Variants in DHRSX observed in about 807,000 individuals in gnomAD.
DHRSX encodes dehydrogenase/reductase X-linked, also known as polyprenol dehydrogenase.
DHRSX carries 31 observed loss-of-function variants against 34.0 expected under a neutral mutation model. The ratio of observed to expected loss-of-function variants is 0.91; its 90% CI spans 0.69 to 1.23. DHRSX has a LOEUF of 1.23. Ranked by LOEUF, DHRSX falls within the 50% of genes most tolerant of loss-of-function variation. The pLI is 0.00. For synonymous variants in DHRSX, 201 were observed against 183.8 expected (o/e 1.09, Z -0.76); for missense variants, 414 against 428.1 (o/e 0.97, Z 0.29).
intron 1 of DHRSX, among the ~76,000 whole-genome samples, chrX:2,470,748 TAAAA>T (rs1396533103): frequency 6.6e-6 from 1 of 152,100 alleles, no homozygotes; most frequent in Non-Finnish European, 1.5e-5. Flanking sequence ...TTCAGTTAGA[TAAAA>T]CAAATGAATT....
intron 3 of DHRSX, among the ~76,000 whole-genome samples, chrX:2,343,873 G>A (rs1046080250): frequency 2.0e-5 from 3 of 152,168 alleles, no homozygotes; most frequent in African/African-American, 7.2e-5. Flanking sequence ...TTGCAATACT[G>A]ACTGACTTGG....
chrX:2,290,031 A>G (rs2041847674), intron 4 of DHRSX, among the ~76,000 whole-genome samples: 1 of 152,256 alleles, frequency 6.6e-6, no homozygotes, highest in African/African-American at 2.4e-5. Flanking sequence ...ATTTTTATGC[A>G]TAAATACATA....
chrX:2,363,688 G>A (rs868498739), intron 3 of DHRSX, among the ~76,000 whole-genome samples: 18 of 150,548 alleles, frequency 1.2e-4, no homozygotes, highest in South Asian at 2.1e-4. Flanking sequence ...TTTTATCACC[G>A]TTCTATGGTA....
chrX:2,400,167 G>A (rs186213469), intron 3 of DHRSX, among the ~76,000 whole-genome samples: 4 of 152,300 alleles, frequency 2.6e-5, no homozygotes, highest in East Asian at 3.9e-4. Flanking sequence ...ATAAAGTGCT[G>A]TGATTCCAAC....
intron 4 of DHRSX, among the ~76,000 whole-genome samples, chrX:2,283,518 CG>C (rs1328121464): frequency 6.6e-6 from 1 of 152,070 alleles, no homozygotes; most frequent in Non-Finnish European, 1.5e-5. Context: ...CTGTGGAGCC[CG>C]AGTCACATAG....
intron 3 of DHRSX, among the ~76,000 whole-genome samples, chrX:2,361,559 C>A (rs2042934482): frequency 6.6e-6 from 1 of 152,094 alleles, no homozygotes; most frequent in African/African-American, 2.4e-5. Flanking sequence ...CAATTTTCTT[C>A]TTGGTATTAA....
chrX:2,412,446 C>T (rs188745252), intron 2 of DHRSX, among the ~76,000 whole-genome samples: 89 of 151,618 alleles, frequency 5.9e-4, no homozygotes, highest in Admixed American at 1.5e-3. Flanking sequence ...TTGATGTTGT[C>T]GTCATTTTTT....
chrX:2,359,392 C>T (rs1766761541), intron 3 of DHRSX, among the ~76,000 whole-genome samples: 1 of 152,110 alleles, frequency 6.6e-6, no homozygotes, highest in Non-Finnish European at 1.5e-5. Context: ...AAATATGGTA[C>T]ATAGGCCAGG....
chrX:2,310,671 AAG>A (rs1170629961), intron 3 of DHRSX, among the ~76,000 whole-genome samples: 4 of 151,586 alleles, frequency 2.6e-5, no homozygotes, highest in East Asian at 1.9e-4. Flanking sequence ...ATGGGAGAGA[AAG>A]AGAGAGACAG....
intron 5 of DHRSX, among the ~76,000 whole-genome samples, chrX:2,261,983 C>T (rs1224329095): frequency 6.6e-6 from 1 of 152,188 alleles, no homozygotes; most frequent in East Asian, 1.9e-4. Flanking sequence ...TGAGTCGTGT[C>T]TGCAGCAAGT....
intron 1 of DHRSX, among the ~76,000 whole-genome samples, chrX:2,481,690 G>T (rs1392566715): frequency 6.6e-6 from 1 of 152,042 alleles, no homozygotes; most frequent in Non-Finnish European, 1.5e-5. Context: ...TATCCACACT[G>T]CAGCATGGAC....
At chrX:2,404,950 T>C (rs1173206357) in intron 3 of DHRSX, among the ~76,000 whole-genome samples, 2 of 152,230 alleles carry the variant, frequency 1.3e-5, no homozygotes, top group Non-Finnish European at 2.9e-5. Context: ...CTGGCCAGGC[T>C]GCTGCCACTC....
intron 3 of DHRSX, among the ~76,000 whole-genome samples, chrX:2,366,931 G>A (rs1274966409): frequency 3.3e-5 from 5 of 151,862 alleles, no homozygotes; most frequent in Non-Finnish European, 7.4e-5. Flanking sequence ...CCTTTGCACC[G>A]GAATAAAACC....
intron 4 of DHRSX, among the ~76,000 whole-genome samples, chrX:2,290,753 G>C (rs1046951578): frequency 6.6e-6 from 1 of 152,170 alleles, no homozygotes; most frequent in African/African-American, 2.4e-5. Flanking sequence ...GTATTTCTGA[G>C]ACCTTTAGTT....
Position 2,407,445 on chromosome X carries a change from G to A in DHRSX, c.286+1300C>T, listed in dbSNP as rs138455389. Among the ~76,000 whole-genome samples the A allele has an allele frequency of 3.7e-3, 559 of 152,272 alleles. 3 individuals are homozygous for A. The highest frequency in any genetic ancestry group is 0.012 in the African/African-American group (510 of 41,552). Reference sequence around the variant, plus strand: ...TGGGCAATTCATATGGTCGTCCCCCGCAACCCGGAGAGAGGGAGAGAGTAG... The same window carrying A: ...TGGGCAATTCATATGGTCGTCCCCCACAACCCGGAGAGAGGGAGAGAGTAG... On this transcript the variant is annotated intron_variant, in intron 3 of 6. Coordinates refer to ENST00000334651, the MANE Select transcript of DHRSX (RefSeq NM_145177.3).
intron 3 of DHRSX, among the ~76,000 whole-genome samples, chrX:2,347,228 G>A (rs761305291): frequency 5.8e-4 from 88 of 152,254 alleles, no homozygotes; most frequent in Non-Finnish European, 6.8e-4. Flanking sequence ...TGAAAGGCAC[G>A]TCTCACATTG....
At chrX:2,470,029 C>T (rs1467222064) in intron 1 of DHRSX, among the ~76,000 whole-genome samples, 1 of 151,652 alleles carries the variant, frequency 6.6e-6, no homozygotes, top group Non-Finnish European at 1.5e-5. Context: ...GTACATCAAG[C>T]AAATGTGGCA....
intron 1 of DHRSX, among the ~76,000 whole-genome samples, chrX:2,456,194 CA>C (rs2044293907): frequency 6.6e-6 from 1 of 152,068 alleles, no homozygotes. Context: ...TGCGGGACGC[CA>C]AAAACCAGAA....
chrX:2,397,165 A>AT (rs1264939445), intron 3 of DHRSX, among the ~76,000 whole-genome samples: 1 of 151,212 alleles, frequency 6.6e-6, no homozygotes, highest in Non-Finnish European at 1.5e-5. Context: ...CGCCTGACTA[A>AT]TTTTTTTATT....
Sources: allele counts gnomAD v4.1 joint callset (sites outside exome capture counted in the v4.1 genomes callset), GRCh38; gene constraint gnomAD v4.1.1; transcripts MANE v1.5; gene names NCBI Gene and HGNC (gene_info 2026-07-23, HGNC 2026-07-21).